Variants in FARSB observed in about 807,000 individuals in gnomAD.
FARSB encodes the protein phenylalanyl-tRNA synthetase subunit beta, also known as phenylalanine--tRNA ligase beta subunit.
FARSB carries 40 observed loss-of-function variants against 69.6 expected under a neutral mutation model. The ratio of observed to expected loss-of-function variants is 0.57; its 90% confidence interval spans 0.45 to 0.75. The LOEUF (loss-of-function observed/expected upper bound fraction) is 0.75. Among genes scored for constraint, FARSB ranks in the 30% least tolerant of loss-of-function variants. The pLI is 0.00. For synonymous variants in FARSB, 235 were observed against 247.2 expected, an observed-to-expected ratio of 0.95 and a Z score of 0.46; for missense variants, 632 against 722.9, an observed-to-expected ratio of 0.87 and a Z score of 1.44.
intron 16 of FARSB, among the ~76,000 whole-genome samples, chr2:222,579,330 T>C (rs1161491242): frequency 6.6e-6 from 1 of 152,162 alleles, no homozygotes; most frequent in African/African-American, 2.4e-5. Context: ...AAACAAAACT[T>C]AAGAGAAAAT....
chr2:222,624,731 G>A lies in FARSB; in HGVS notation c.945C>T (p.Asn315=). The change falls in exon 11 of 17, where the codon AAC becomes AAT. Residue 315 remains asparagine (N), a synonymous_variant. Coordinates refer to ENST00000281828, the MANE Select transcript of FARSB (RefSeq NM_005687.5). The part of the protein sequence containing the change: ...RKEMVRADLI[N]KKVGIRETPE... ...GAGCATACCTGATTCCAACTTTTTT[G>A]TTAATTAGGTCAGCTCTCACCATCT... 1.9e-6 allele frequency: 3 copies of A among 1,603,534 alleles called. No individual in the cohort carries two copies. The highest frequency in any genetic ancestry group is 2.6e-6 in the Non-Finnish European group (3 of 1,174,104).
chr2:222,608,979 A>G (rs1009055917), intron 15 of FARSB, among the ~76,000 whole-genome samples: 15 of 152,234 alleles, frequency 9.9e-5, no homozygotes, highest in African/African-American at 3.6e-4. Flanking sequence ...CCACAGATAT[A>G]TGTCAAATTG....
intron 2 of FARSB, among the ~76,000 whole-genome samples, chr2:222,647,455 C>A (rs1691898620): frequency 6.6e-6 from 1 of 152,228 alleles, no homozygotes; most frequent in African/African-American, 2.4e-5. Context: ...GTTTTACTGA[C>A]TTGGCATGTT....
In FARSB at chr2:222,571,303, G is replaced by GTATT. The variant is rs1436347842; in HGVS notation, c.*564_*567dup. ...GCACCCTCACATATTTTGAATCCTTGTATTACAGATTTTTCTTTCACTTTA... is the reference window on the plus strand; with the variant it reads ...GCACCCTCACATATTTTGAATCCTTGTATTTATTACAGATTTTTCTTTCACTTTA... On this transcript the variant is annotated 3_prime_UTR_variant, in exon 17 of 17. Coordinates refer to ENST00000281828, the MANE Select transcript of FARSB (RefSeq NM_005687.5). 2 of 152,128 alleles carry GTATT rather than the reference G, an allele frequency of 1.3e-5. No individual in the cohort carries two copies. The highest frequency in any genetic ancestry group is 3.9e-4 in the East Asian group (2 of 5,194). 9.4% of individuals were successfully genotyped at this position (152,128 alleles called of 1,614,324 possible).
chr2:222,626,099 G>T (rs981630493), intron 10 of FARSB, among the ~76,000 whole-genome samples: 9 of 151,640 alleles, frequency 5.9e-5, no homozygotes, highest in African/African-American at 9.7e-5. Context: ...ATACAAAAAA[G>T]TTGGCTGGGC....
intron 15 of FARSB, among the ~76,000 whole-genome samples, chr2:222,608,819 G>A (rs1349358458): frequency 6.6e-6 from 1 of 152,184 alleles, no homozygotes; most frequent in Non-Finnish European, 1.5e-5. Context: ...GGCTTAGCCT[G>A]CTTCATGAAG....
chr2:222,627,371 C>T (rs989237421), intron 10 of FARSB, among the ~76,000 whole-genome samples: 2 of 152,318 alleles, frequency 1.3e-5, no homozygotes, highest in Middle Eastern at 3.4e-3. Context: ...AGCTAGCCTG[C>T]TATATGATGA....
At chr2:222,616,214 T>C (rs1690991087) in intron 14 of FARSB, among the ~76,000 whole-genome samples, 1 of 152,058 alleles carries the variant, frequency 6.6e-6, no homozygotes, top group Non-Finnish European at 1.5e-5. Context: ...GTGCAAGTTG[T>C]AGATTAACAG....
chr2:222,573,258 TCTTAAGTAAACC>T, intron 16 of FARSB, among the ~76,000 whole-genome samples: 1 of 152,294 alleles, frequency 6.6e-6, no homozygotes, highest in Non-Finnish European at 1.5e-5. Flanking sequence ...AAATTGTCAT[TCTTAAGTAAACC>T]CAAAGCAACA....
At chr2:222,593,406 T>C (rs958075671) in intron 16 of FARSB, among the ~76,000 whole-genome samples, 22 of 152,324 alleles carry the variant, frequency 1.4e-4, no homozygotes, top group African/African-American at 2.2e-4. Flanking sequence ...ATGGCTGTGA[T>C]TGGAAGACTC....
chr2:222,648,653 A>T, intron 2 of FARSB, 87 bp downstream of exon 2: 1 of 859,434 alleles, frequency 1.2e-6, no homozygotes, highest in Non-Finnish European at 2.0e-6. Flanking sequence ...TCTAACTATA[A>T]GGTAACAAAG....
At position 222,596,898 on chromosome 2, in the gene FARSB, C is replaced by A. The variant is rs573797218; in HGVS notation, c.1618+3030G>T. On this transcript the variant is annotated intron_variant, in intron 16 of 16. Transcript: ENST00000281828. The stretch of plus-strand genomic sequence containing the variant: ...ACTGACTTATTTTGACAAGCCACTT[C>A]TTTATACATTGTTTTCTTCAACCAT... 2.0e-5 allele frequency among the ~76,000 whole-genome samples: 3 copies of A among 152,266 alleles called. No homozygotes were observed. In the South Asian group the frequency reaches 6.2e-4, roughly 32 times the overall value.
intron 1 of FARSB, among the ~76,000 whole-genome samples, chr2:222,653,549 ATAAAGG>A (rs1188406821): frequency 6.6e-6 from 1 of 152,208 alleles, no homozygotes; most frequent in Non-Finnish European, 1.5e-5. Context: ...CAAGAACACA[ATAAAGG>A]TAAACTAATG....
chr2:222,635,252 C>T (rs1691550651), intron 5 of FARSB, among the ~76,000 whole-genome samples: 1 of 152,026 alleles, frequency 6.6e-6, no homozygotes, highest in Admixed American at 6.6e-5. Context: ...CTAAGTCTTA[C>T]CAGGAAAGGA....
chr2:222,586,694 G>A (rs1328739427), intron 16 of FARSB, among the ~76,000 whole-genome samples: 2 of 152,108 alleles, frequency 1.3e-5, no homozygotes, highest in African/African-American at 2.4e-5. Context: ...ACAAAAAAAA[G>A]CAGGTTTTGC....
chr2:222,594,830 T>C (rs1333806191), intron 16 of FARSB, among the ~76,000 whole-genome samples: 1 of 152,136 alleles, frequency 6.6e-6, no homozygotes, highest in Admixed American at 6.5e-5. Flanking sequence ...TGGAGAGAAC[T>C]TTGCCTTGTG....
At position 222,592,618 on chromosome 2, in the gene FARSB, A is replaced by G. The variant is rs74890826; in HGVS notation, c.1618+7310T>C. On this transcript the variant is annotated intron_variant, in intron 16 of 16. Coordinates refer to ENST00000281828, the MANE Select transcript of FARSB (RefSeq NM_005687.5). ...CACAAGCTAAAAATGAACTTCTTTTATAATTCTTTGTATTTGGGCCACAAC... is the reference window on the plus strand; with the variant it reads ...CACAAGCTAAAAATGAACTTCTTTTGTAATTCTTTGTATTTGGGCCACAAC... Among the ~76,000 whole-genome samples the G allele has an allele frequency of 6.9e-3, 1,038 of 151,376 alleles. 13 individuals carry two copies. The highest frequency in any genetic ancestry group is 0.023 in the African/African-American group (951 of 41,140).
intron 9 of FARSB, among the ~76,000 whole-genome samples, chr2:222,629,709 T>C (rs1212903519): frequency 3.9e-5 from 6 of 152,222 alleles, no homozygotes; most frequent in Non-Finnish European, 8.8e-5. Flanking sequence ...GTTCTAGTTA[T>C]AGGAACCACA....
At chr2:222,648,852 T>C (rs754527295) in intron 1 of FARSB, 57 bp from the exon 2 acceptor site, 1 of 1,140,808 alleles carries the variant, frequency 8.8e-7, no homozygotes, top group Non-Finnish European at 1.3e-6. Context: ...AAGTGAAAAC[T>C]ACATACAAAC....
Sources: gnomAD v4.1 joint callset for allele counts (sites outside exome capture counted in the v4.1 genomes callset) on GRCh38, gnomAD v4.1.1 for gene constraint, MANE v1.5 for transcripts, NCBI Gene and HGNC (gene_info 2026-07-23, HGNC 2026-07-21) for gene names.